The following ATRNL1 variants were observed in gnomAD, a reference collection of about 807,000 sequenced individuals.
ATRNL1 encodes attractin like 1.
A neutral mutation model predicts 182.7 loss-of-function variants in ATRNL1; 95 were observed. The ratio of observed to expected loss-of-function variants is 0.52; its 90% CI spans 0.44 to 0.62. ATRNL1 has a LOEUF of 0.62. ATRNL1 is among the 20% of genes least tolerant of loss of function. The probability of loss-of-function intolerance (pLI) is 0.00; values close to 1 mark genes in which losing one functional copy is unlikely to be tolerated. For missense variants in ATRNL1, 1,471 were observed against 1,679.5 expected (o/e 0.88, Z 2.17); for synonymous variants, 576 against 568.3 (o/e 1.01, Z -0.19).
At chr10:115,532,385 G>A (rs1311501573) in intron 25 of ATRNL1, among the ~76,000 whole-genome samples, 20 of 152,118 alleles carry the variant, frequency 1.3e-4, no homozygotes, top group African/African-American at 4.8e-4. Context: ...TATTCTCTTT[G>A]AAGTAATTGT....
intron 21 of ATRNL1, among the ~76,000 whole-genome samples, chr10:115,431,401 TA>T (rs3981285): frequency 0.4 from 44,517 of 110,748 alleles, 7,461 homozygotes; most frequent in African/African-American, 0.48. Context: ...AGAGTGAAAC[TA>T]AAAAAAAAAA....
intron 27 of ATRNL1, among the ~76,000 whole-genome samples, chr10:115,777,314 GAATAA>G (rs782020062): frequency 6.6e-6 from 1 of 152,020 alleles, no homozygotes; most frequent in Admixed American, 6.6e-5. Flanking sequence ...ACTAGTAACT[GAATAA>G]AATAAAGTAT....
intron 19 of ATRNL1, among the ~76,000 whole-genome samples, chr10:115,370,060 G>A (rs1215073917): frequency 6.6e-6 from 1 of 152,178 alleles, no homozygotes; most frequent in Non-Finnish European, 1.5e-5. Context: ...AGATCTGATG[G>A]TTTTATAAAG....
chr10:115,177,361 G>A (rs1258314312), intron 8 of ATRNL1, among the ~76,000 whole-genome samples: 2 of 152,128 alleles, frequency 1.3e-5, no homozygotes, highest in Non-Finnish European at 2.9e-5. Context: ...TGTTTGAAAA[G>A]GAAAGCACAA....
rs145800793 is a variant in ATRNL1, at chr10:115,620,267, A to G, written c.3795+70731A>G. Among the ~76,000 whole-genome samples, 390 of 152,126 alleles carry G rather than the reference A, an allele frequency of 2.6e-3. 1 individual carries two copies. Among genetic ancestry groups the G allele is most frequent in the African/African-American group, 9.0e-3 (375 of 41,492 alleles). ...TTTTCAAGAAACAGATCTCATGGTA[A>G]CTCATTACCTCAGGAATGACACCAA... On this transcript the variant is annotated intron_variant, in intron 26 of 28. Coordinates refer to ENST00000355044, the MANE Select transcript of ATRNL1 (RefSeq NM_207303.4).
chr10:115,343,900 T>C (rs557670750), intron 19 of ATRNL1, among the ~76,000 whole-genome samples: 12 of 152,348 alleles, frequency 7.9e-5, no homozygotes, highest in African/African-American at 2.9e-4. Context: ...ACTGCCTTGA[T>C]GGTCTTGGAC....
intron 28 of ATRNL1, among the ~76,000 whole-genome samples, chr10:115,892,994 T>C (rs1172791113): frequency 6.6e-6 from 1 of 152,204 alleles, no homozygotes; most frequent in Non-Finnish European, 1.5e-5. Flanking sequence ...TATAAACATA[T>C]ATGTCATGGA....
chr10:115,547,642 T>G (rs936391298), intron 25 of ATRNL1, among the ~76,000 whole-genome samples: 14 of 152,164 alleles, frequency 9.2e-5, no homozygotes, highest in African/African-American at 3.4e-4. Flanking sequence ...ATTTGGAATG[T>G]AACCTATATT....
Position 115,105,878 on chromosome 10 carries a change from A to G in ATRNL1, c.293+11835A>G, listed in dbSNP as rs533568619. 1.1e-4 allele frequency among the ~76,000 whole-genome samples: 17 copies of G among 152,316 alleles called. No individual in the cohort carries two copies. In the East Asian group the frequency reaches 2.1e-3, roughly 19 times the overall value. On this transcript the variant is annotated intron_variant, in intron 1 of 28. Coordinates refer to ENST00000355044, the MANE Select transcript of ATRNL1 (RefSeq NM_207303.4). ...TGCTGCAGGGGTGGGACTCTCATGG[A>G]GAACCTTTGTATGTCAGTGTGGAAG... is the stretch of plus-strand genomic sequence containing the variant.
intron 20 of ATRNL1, among the ~76,000 whole-genome samples, chr10:115,404,430 G>A (rs186006744): frequency 6.6e-6 from 1 of 152,158 alleles, no homozygotes; most frequent in Non-Finnish European, 1.5e-5. Context: ...TCATTCAGCA[G>A]TTCAATGGAG....
chr10:115,241,762 T>A, intron 10 of ATRNL1, 37 bp downstream of exon 10: 12 of 1,548,320 alleles, frequency 7.8e-6, no homozygotes, highest in Non-Finnish European at 1.1e-5. Flanking sequence ...GTAGGAAATA[T>A]CAGAAATTTT....
chr10:115,258,861 A>G (rs1851272651), intron 10 of ATRNL1, among the ~76,000 whole-genome samples: 1 of 152,132 alleles, frequency 6.6e-6, no homozygotes, highest in East Asian at 1.9e-4. Flanking sequence ...TTTTTCTTCT[A>G]ACAGTCAGGT....
At chr10:115,716,967 G>T (rs1555056476) in intron 26 of ATRNL1, among the ~76,000 whole-genome samples, 1 of 152,066 alleles carries the variant, frequency 6.6e-6, no homozygotes, top group Non-Finnish European at 1.5e-5. Flanking sequence ...AAATTAACCA[G>T]GTTCTCATTT....
intron 26 of ATRNL1, among the ~76,000 whole-genome samples, chr10:115,692,220 T>G (rs1946416420): frequency 6.6e-6 from 1 of 152,206 alleles, no homozygotes; most frequent in Non-Finnish European, 1.5e-5. Flanking sequence ...ACAACTGAAC[T>G]CTTTTTAATA....
intron 26 of ATRNL1, among the ~76,000 whole-genome samples, chr10:115,708,172 T>C (rs1230908758): frequency 6.6e-6 from 1 of 151,618 alleles, no homozygotes; most frequent in African/African-American, 2.4e-5. Context: ...TGGAAGGGAT[T>C]ACAGAATGGA....
At chr10:115,711,076 C>G (rs1372927145) in intron 26 of ATRNL1, among the ~76,000 whole-genome samples, 2 of 152,032 alleles carry the variant, frequency 1.3e-5, no homozygotes, top group Non-Finnish European at 2.9e-5. Flanking sequence ...AATTAGCACT[C>G]TTTTCTTTCT....
intron 8 of ATRNL1, among the ~76,000 whole-genome samples, chr10:115,209,983 A>G (rs1381746364): frequency 6.6e-6 from 1 of 152,018 alleles, no homozygotes; most frequent in African/African-American, 2.4e-5. Context: ...ACATTGAGGT[A>G]GTACAAGAAT....
chr10:115,221,954 T>TA (rs71010013), intron 9 of ATRNL1, among the ~76,000 whole-genome samples: 40 of 143,012 alleles, frequency 2.8e-4, no homozygotes, highest in Non-Finnish European at 4.9e-4. Context: ...TGGCACAAAC[T>TA]AAAAAAAAAA....
chr10:115,377,964 A>G (rs1857770897), intron 19 of ATRNL1, among the ~76,000 whole-genome samples: 1 of 152,196 alleles, frequency 6.6e-6, no homozygotes, highest in East Asian at 1.9e-4. Flanking sequence ...CTGTGGCCAC[A>G]TATATGGACT....
Sources: allele counts gnomAD v4.1 joint callset (sites outside exome capture counted in the v4.1 genomes callset), GRCh38; gene constraint gnomAD v4.1.1; transcripts MANE v1.5; gene names NCBI Gene and HGNC (gene_info 2026-07-23, HGNC 2026-07-21).